Variants in NXPE4 observed in about 807,000 individuals in gnomAD.
NXPE4 encodes NXPE family member 4.
Under a neutral mutation model 33.3 loss-of-function variants are expected in NXPE4, and 42 were observed. The observed-to-expected ratio is 1.26, with a 90% CI of 0.98 to 1.63. The LOEUF is 1.63. Among genes scored for constraint, NXPE4 ranks in the 40% most tolerant of loss-of-function variants. The pLI is 0.00. For missense variants in NXPE4, 709 were observed against 647.6 expected (o/e 1.09, Z -1.03); for synonymous variants, 253 against 234.9 (o/e 1.08, Z -0.71).
chr11:114,574,563 T>C (rs1262756576), intron 5 of NXPE4, among the ~76,000 whole-genome samples: 2 of 152,112 alleles, frequency 1.3e-5, no homozygotes, highest in African/African-American at 4.8e-5. Context: ...TCAAGGCTAC[T>C]GTGAACACCT....
chr11:114,664,061 A>G, the NXPE4 span, among the ~76,000 whole-genome samples: 2 of 152,192 alleles, frequency 1.3e-5, no homozygotes, highest in Non-Finnish European at 2.9e-5. Flanking sequence ...CGTTCACACA[A>G]AAGTTTATAC....
the NXPE4 span, among the ~76,000 whole-genome samples, chr11:114,617,429 A>C: frequency 2.0e-5 from 3 of 151,520 alleles, no homozygotes; most frequent in Non-Finnish European, 4.4e-5. Flanking sequence ...TACCGGGTGG[A>C]TAATAAGTAT....
chr11:114,590,830 G>T (rs944921233), intron 2 of NXPE4, among the ~76,000 whole-genome samples: 2 of 152,140 alleles, frequency 1.3e-5, no homozygotes, highest in Non-Finnish European at 2.9e-5. Context: ...AACTGTTTAT[G>T]CCCCACACAA....
intron 5 of NXPE4, among the ~76,000 whole-genome samples, chr11:114,573,243 A>G (rs1316997772): frequency 1.3e-5 from 2 of 152,166 alleles, no homozygotes; most frequent in Non-Finnish European, 2.9e-5. Context: ...GCACACCAAA[A>G]TAGAACCTCC....
chr11:114,583,304 G>C (rs564016239), intron 2 of NXPE4: 38 of 634,746 alleles, frequency 6.0e-5, no homozygotes, highest in Admixed American at 3.2e-4. Flanking sequence ...CTACGATAGG[G>C]GTGTTGGAAA....
the NXPE4 span, among the ~76,000 whole-genome samples, chr11:114,662,521 G>A: frequency 6.6e-6 from 1 of 152,172 alleles, no homozygotes; most frequent in African/African-American, 2.4e-5. Flanking sequence ...TTGGCCCAGA[G>A]TCAGTGGACT....
Position 114,582,865 on chromosome 11 carries a change from G to C in NXPE4, c.253C>G (p.Pro85Ala). 1 of 1,614,200 alleles carries C rather than the reference G, an allele frequency of 6.2e-7. No individual in the cohort carries two copies. Among genetic ancestry groups the C allele is most frequent in the Non-Finnish European group, 8.5e-7 (1 of 1,180,010 alleles). The change falls in exon 3 of 6, where the codon CCC becomes GCC. Residue 85 changes from proline to alanine, a missense_variant. Coordinates refer to ENST00000375478, the MANE Select transcript of NXPE4 (RefSeq NM_001077639.2). ...IIEKLDQQIP[P>A]RPFTHVNTTT... ...GTGTTCACGTGGGTGAAAGGTCTGG[G>C]TGGGATCTGCTGATCTAGTTTCTCT...
At chr11:114,594,118 A>G (rs1159786953) in intron 2 of NXPE4, among the ~76,000 whole-genome samples, 1 of 152,158 alleles carries the variant, frequency 6.6e-6, no homozygotes, top group Non-Finnish European at 1.5e-5. Flanking sequence ...ATTTGATAGT[A>G]TAACAGGGTA....
At chr11:114,586,218 C>T (rs940517097) in intron 2 of NXPE4, among the ~76,000 whole-genome samples, 19 of 152,162 alleles carry the variant, frequency 1.2e-4, no homozygotes, top group Non-Finnish European at 2.8e-4. Context: ...GAGCTTTTCT[C>T]TTTCTTTTGC....
the NXPE4 span, among the ~76,000 whole-genome samples, chr11:114,635,086 C>A: frequency 6.6e-6 from 1 of 151,704 alleles, no homozygotes; most frequent in Admixed American, 6.6e-5. Context: ...TTGATTCTTC[C>A]TACCCATGAG....
At chr11:114,615,349 G>T in the NXPE4 span, among the ~76,000 whole-genome samples, 2 of 151,996 alleles carry the variant, frequency 1.3e-5, no homozygotes, top group South Asian at 4.2e-4. Flanking sequence ...ACTAAGTTTT[G>T]CCTCGTGGAT....
chr11:114,580,438 A>G, intron 4 of NXPE4, 100 bp from the exon 5 acceptor site: 4 of 941,814 alleles, frequency 4.2e-6, no homozygotes, highest in Non-Finnish European at 6.6e-6. Flanking sequence ...AGAGGGGGTA[A>G]GGTGGTGGTA....
At chr11:114,594,088 C>G (rs1949523792) in intron 2 of NXPE4, among the ~76,000 whole-genome samples, 1 of 151,984 alleles carries the variant, frequency 6.6e-6, no homozygotes, top group East Asian at 1.9e-4. Context: ...TATGATTAGA[C>G]AGAATGAATA....
the NXPE4 span, among the ~76,000 whole-genome samples, chr11:114,613,192 C>T: frequency 6.6e-6 from 1 of 151,752 alleles, no homozygotes; most frequent in Non-Finnish European, 1.5e-5. Context: ...TCTAGGGTAA[C>T]CACTGTTACC....
At chr11:114,635,589 T>G in the NXPE4 span, among the ~76,000 whole-genome samples, 5 of 152,094 alleles carry the variant, frequency 3.3e-5, no homozygotes, top group East Asian at 9.6e-4. Context: ...CAGTATGATA[T>G]TGGCTGTGGG....
At chr11:114,640,065 AAATAT>A in the NXPE4 span, among the ~76,000 whole-genome samples, 5,261 of 118,628 alleles carry the variant, frequency 0.044, 436 homozygotes, top group African/African-American at 0.16. Flanking sequence ...AATTTATTTA[AAATAT>A]AATATATAAT....
At chr11:114,651,483 T>C in the NXPE4 span, among the ~76,000 whole-genome samples, 1 of 152,302 alleles carries the variant, frequency 6.6e-6, no homozygotes, top group Admixed American at 6.5e-5. Context: ...GCAGCAAGAT[T>C]TATTGCAAAG....
At chr11:114,635,001 A>G in the NXPE4 span, among the ~76,000 whole-genome samples, 1 of 152,046 alleles carries the variant, frequency 6.6e-6, no homozygotes, top group Non-Finnish European at 1.5e-5. Flanking sequence ...TTCTGTGAAG[A>G]AAGTCATTGG....
intron 2 of NXPE4, among the ~76,000 whole-genome samples, chr11:114,586,415 A>G (rs549603469): frequency 6.6e-6 from 1 of 152,206 alleles, no homozygotes; most frequent in South Asian, 2.1e-4. Context: ...CCTTCTTTTT[A>G]TTTCAAGGCC....
Sources: allele counts gnomAD v4.1 joint callset (sites outside exome capture counted in the v4.1 genomes callset), GRCh38; gene constraint gnomAD v4.1.1; transcripts MANE v1.5; gene names NCBI Gene and HGNC (gene_info 2026-07-23, HGNC 2026-07-21).